The following GPC5 variants were observed in gnomAD, a reference collection of about 807,000 sequenced individuals.
The protein encoded by GPC5 is glypican 5.
GPC5 carries 47 observed loss-of-function variants against 53.9 expected under a neutral mutation model. The ratio of observed to expected loss-of-function variants is 0.87; its 90% CI spans 0.69 to 1.11. The LOEUF is 1.11. GPC5 is among the 50% of genes most tolerant of loss of function. The pLI, the probability that GPC5 is intolerant of heterozygous loss-of-function variation, is 0.00. For synonymous variants in GPC5, 286 were observed against 263.3 expected, an observed-to-expected ratio of 1.09 and a Z score of -0.84; for missense variants, 748 against 713.1, an observed-to-expected ratio of 1.05 and a Z score of -0.56.
chr13:92,419,947 G>A (rs1378030985), intron 7 of GPC5, among the ~76,000 whole-genome samples: 1 of 151,998 alleles, frequency 6.6e-6, no homozygotes, highest in East Asian at 1.9e-4. Context: ...CCCTACCTTT[G>A]ACCTGCTGTC....
chr13:92,106,723 T>C (rs553606114), intron 6 of GPC5, among the ~76,000 whole-genome samples: 2 of 152,242 alleles, frequency 1.3e-5, no homozygotes, highest in South Asian at 4.1e-4. Context: ...TTGTAGCACA[T>C]TGTTTTTGGC....
intron 7 of GPC5, among the ~76,000 whole-genome samples, chr13:92,573,972 T>G (rs1185307307): frequency 2.0e-5 from 3 of 152,138 alleles, no homozygotes. Context: ...TGAACAGCAA[T>G]CGCACCTTCT....
At chr13:92,397,891 A>T (rs189550289) in intron 7 of GPC5, among the ~76,000 whole-genome samples, 7 of 152,288 alleles carry the variant, frequency 4.6e-5, no homozygotes. Flanking sequence ...TATATAAGGT[A>T]CCATAATAGG....
At chr13:91,876,045 A>T (rs937595322) in intron 5 of GPC5, among the ~76,000 whole-genome samples, 1 of 152,276 alleles carries the variant, frequency 6.6e-6, no homozygotes, top group Non-Finnish European at 1.5e-5. Context: ...TGATGGGTTT[A>T]TCAGGGGTTT....
chr13:91,426,941 TC>T (rs1172371544), intron 1 of GPC5, among the ~76,000 whole-genome samples: 1 of 152,180 alleles, frequency 6.6e-6, no homozygotes, highest in Admixed American at 6.5e-5. Flanking sequence ...AATGTACAAC[TC>T]AGGCTGTTGC....
chr13:92,420,050 C>T (rs1156820159), intron 7 of GPC5, among the ~76,000 whole-genome samples: 1 of 152,146 alleles, frequency 6.6e-6, no homozygotes, highest in Non-Finnish European at 1.5e-5. Flanking sequence ...GTTTCCAAGC[C>T]TCAAATCTAC....
intron 2 of GPC5, among the ~76,000 whole-genome samples, chr13:91,464,808 A>G (rs1447420284): frequency 6.6e-6 from 1 of 151,946 alleles, no homozygotes; most frequent in Non-Finnish European, 1.5e-5. Context: ...GCATAGCACT[A>G]CACACACACA....
intron 6 of GPC5, among the ~76,000 whole-genome samples, chr13:92,140,712 A>G (rs1379546490): frequency 6.6e-6 from 1 of 152,194 alleles, no homozygotes; most frequent in Admixed American, 6.5e-5. Flanking sequence ...GATTTTAAGA[A>G]AATAATATGG....
intron 2 of GPC5, among the ~76,000 whole-genome samples, chr13:91,638,599 C>T (rs1051920635): frequency 6.6e-6 from 1 of 152,130 alleles, no homozygotes; most frequent in Non-Finnish European, 1.5e-5. Context: ...CTCCTGACCT[C>T]AAGTGATCTG....
chr13:91,818,528 T>G (rs1328670188), intron 5 of GPC5, among the ~76,000 whole-genome samples: 2 of 152,192 alleles, frequency 1.3e-5, no homozygotes, highest in African/African-American at 4.8e-5. Context: ...CATGTTTATT[T>G]GCACAGTTTT....
At chr13:92,705,330 G>GGTTATTATGCAGTTTA (rs928146110) in intron 7 of GPC5, among the ~76,000 whole-genome samples, 1 of 151,944 alleles carries the variant, frequency 6.6e-6, no homozygotes, top group Non-Finnish European at 1.5e-5. Context: ...TGTCAAGACA[G>GGTTATTATGCAGTTTA]GTTATTATGC....
At chr13:92,605,593 A>ATTTT (rs1319247704) in intron 7 of GPC5, among the ~76,000 whole-genome samples, 1 of 125,942 alleles carries the variant, frequency 7.9e-6, no homozygotes, top group African/African-American at 2.9e-5. Context: ...TTTTTTTTTT[A>ATTTT]TTTTTTTGAG....
intron 7 of GPC5, among the ~76,000 whole-genome samples, chr13:92,368,819 T>C (rs968472553): frequency 6.6e-6 from 1 of 152,114 alleles, no homozygotes; most frequent in Non-Finnish European, 1.5e-5. Context: ...GGTATATGAC[T>C]AATTAAGTTA....
chr13:91,570,739 G>T (rs2031744181), intron 2 of GPC5, among the ~76,000 whole-genome samples: 1 of 152,114 alleles, frequency 6.6e-6, no homozygotes, highest in Non-Finnish European at 1.5e-5. Flanking sequence ...TTAAAAATTA[G>T]AGCCATCGGT....
At chr13:91,916,867 C>T (rs1043376701) in intron 6 of GPC5, among the ~76,000 whole-genome samples, 5 of 152,136 alleles carry the variant, frequency 3.3e-5, no homozygotes, top group Admixed American at 3.3e-4. Flanking sequence ...GATTCAATTA[C>T]TTCCACCTGG....
chr13:91,935,406 C>T (rs969098131), intron 6 of GPC5, among the ~76,000 whole-genome samples: 2 of 151,934 alleles, frequency 1.3e-5, no homozygotes, highest in Non-Finnish European at 2.9e-5. Flanking sequence ...GAAAGAGAAA[C>T]CAGAGAGCTA....
rs1226380911 is a variant in GPC5, at chr13:91,571,819, GTGTATATATACACATATACT to G, written c.326-121364_326-121345del. Among the ~76,000 whole-genome samples the G allele has an allele frequency of 8.6e-4, 93 of 108,200 alleles. 3 individuals are homozygous for G. Among genetic ancestry groups the G allele is most frequent in the South Asian group, 2.0e-3 (7 of 3,438 alleles). 71.0% of individuals were successfully genotyped at this position (108,200 alleles called of 152,430 possible). A position where few individuals can be genotyped will look rare whatever the true frequency, so the allele number is the denominator to read the frequency against. On this transcript the variant is annotated intron_variant, in intron 2 of 7. Coordinates refer to ENST00000377067, the MANE Select transcript of GPC5 (RefSeq NM_004466.6). ...TGTATATATACACACACATACGTGTGTGTATATATACACATATACTTGTGTGTATATACACATATACGTGT... is the reference window on the plus strand; with the variant it reads ...TGTATATATACACACACATACGTGTGTGTGTGTATATACACATATACGTGT...
rs1362637796 is a variant in GPC5 at position 92,606,246 on chromosome 13, C to CA, written c.1562-260036_1562-260035insA. 1.8e-4 allele frequency among the ~76,000 whole-genome samples: 27 copies of CA among 152,180 alleles called. 1 individual carries two copies. The highest frequency in any genetic ancestry group is 6.3e-4 in the African/African-American group (26 of 41,512). On this transcript the variant is annotated intron_variant, in intron 7 of 7. Transcript: ENST00000377067. ...ATGCTACCCCTTTCCCTTCCCCCAA[C>CA]TCCACGACAGGCCCCGGTGTGTGAT...
intron 7 of GPC5, among the ~76,000 whole-genome samples, chr13:92,817,025 A>G (rs1004437537): frequency 6.6e-6 from 1 of 151,994 alleles, no homozygotes; most frequent in African/African-American, 2.4e-5. Context: ...GGGTTGGTTC[A>G]CCTAGTACCT....
Sources: gnomAD v4.1 joint callset for allele counts (sites outside exome capture counted in the v4.1 genomes callset) on GRCh38, gnomAD v4.1.1 for gene constraint, MANE v1.5 for transcripts, NCBI Gene and HGNC (gene_info 2026-07-23, HGNC 2026-07-21) for gene names.